Variants in TASOR2 observed in about 807,000 individuals in gnomAD.
The protein encoded by TASOR2 is transcription activation suppressor family member 2.
Under a neutral mutation model 199.5 loss-of-function variants are expected in TASOR2, and 84 were observed. The observed-to-expected ratio is 0.42, with a 90% CI of 0.35 to 0.50. TASOR2 has a LOEUF of 0.50. TASOR2 is among the 20% of genes least tolerant of loss of function. The pLI is 0.02. For missense variants in TASOR2, 2,796 were observed against 2,835.9 expected, an observed-to-expected ratio of 0.99 and a Z score of 0.32; for synonymous variants, 1,103 against 1,046.6, an observed-to-expected ratio of 1.05 and a Z score of -1.04.
At chr10:5,724,322 G>A in intron 7 of TASOR2, 108 bp from the exon 9 acceptor site, 1 of 466,998 alleles carries the variant, frequency 2.1e-6, no homozygotes, top group Middle Eastern at 5.7e-4. Context: ...AGGTTTCTGA[G>A]TAGTATTTCT....
chr10:5,711,492 A>AC (rs2131547789), intron 1 of TASOR2, among the ~76,000 whole-genome samples: 1 of 152,078 alleles, frequency 6.6e-6, no homozygotes, highest in East Asian at 1.9e-4. Context: ...GGTTTGTAAA[A>AC]CCCCCCAACC....
exon 16 of TASOR2, chr10:5,756,633 C>A (rs1435602861): frequency 8.7e-6 from 14 of 1,612,866 alleles, no homozygotes; most frequent in Non-Finnish European, 1.1e-5. Context: ...GGAAAGGAGG[C>A]CATACAGAAA....
Position 5,754,992 on chromosome 10 carries a change from GC to G in TASOR2, c.6607-1619del, listed in dbSNP as rs1838693239. Reference sequence around the variant, plus strand: ...ACCCGGGAGGCAGAGCTTGCAGTGAGCCGAGATCGCGCCACTGCACTCCAGC... The same window carrying G: ...ACCCGGGAGGCAGAGCTTGCAGTGAGCGAGATCGCGCCACTGCACTCCAGC... On this transcript the variant is annotated intron_variant, in intron 15 of 20. Transcript: ENST00000328090. This position sits in a 1 kb window ranked among gnomAD's most constrained non-coding sequence, Gnocchi z 4.3. Among the ~76,000 whole-genome samples, 3 of 140,472 alleles carry G rather than the reference GC, an allele frequency of 2.1e-5. No homozygotes were observed. The South Asian group carries it at 6.7e-4, about 31-fold the overall frequency. The allele number at this position is 140,472 out of a possible 152,430, so 92.2% of individuals were successfully genotyped here. A position where few individuals can be genotyped will look rare whatever the true frequency, so the allele number is the denominator to read the frequency against.
chr10:5,739,624 G>A (rs1209326039), exon 13 of TASOR2: 1 of 1,611,090 alleles, frequency 6.2e-7, no homozygotes, highest in Non-Finnish European at 8.5e-7. Flanking sequence ...GAAGTCAAAG[G>A]AGAAACTGCT....
intron 17 of TASOR2, 110 bp downstream of exon 18, chr10:5,757,783 T>TAGGGGGCAAC: frequency 1.7e-6 from 2 of 1,211,232 alleles, no homozygotes; most frequent in Non-Finnish European, 2.4e-6. Context: ...GGAATATCAG[T>TAGGGGGCAAC]TGCCCCCTAC....
intron 16 of TASOR2, 130 bp from the exon 18 acceptor site, chr10:5,757,390 C>T (rs573077877): frequency 1.8e-5 from 16 of 892,208 alleles, no homozygotes; most frequent in African/African-American, 1.4e-4. Context: ...AATGACCAGT[C>T]GGTAATCCAG....
Position 5,740,351 on chromosome 10 carries a change from GA to G in TASOR2, c.2187del (p.Lys729AsnfsTer7). On this transcript the variant is annotated frameshift_variant, in exon 13 of 21. Coordinates refer to ENST00000328090, the Ensembl canonical transcript of TASOR2. LOFTEE classifies it high-confidence loss of function. The surrounding 1 kb of genome is among the most constrained non-coding windows in gnomAD (Gnocchi z 5.3). Reference sequence around the variant, plus strand: ...AGGATCGACCACCGTCTGCCCGTGTGAAAAAATCTTCTTGCTCTCGTATAGT... The same window carrying G: ...AGGATCGACCACCGTCTGCCCGTGTGAAAAATCTTCTTGCTCTCGTATAGT... The G allele has an allele frequency of 6.2e-7, 1 of 1,614,182 alleles. No individual in the cohort carries two copies.
At chr10:5,760,170 A>G (rs758172688) in intron 18 of TASOR2, among the ~76,000 whole-genome samples, 4 of 152,240 alleles carry the variant, frequency 2.6e-5, no homozygotes, top group Non-Finnish European at 5.9e-5. Context: ...ATGTGACTGT[A>G]CTGAATACTG....
intron 7 of TASOR2, 87 bp downstream of exon 8, chr10:5,723,864 C>G (rs765095923): frequency 4.2e-6 from 3 of 720,982 alleles, no homozygotes; most frequent in Non-Finnish European, 6.5e-6. Flanking sequence ...CACATGCACA[C>G]TTCTGTTTCA....
Position 5,685,948 on chromosome 10 carries a change from T to C in TASOR2, c.-288+773T>C, listed in dbSNP as rs572583661. Among the ~76,000 whole-genome samples the C allele has an allele frequency of 6.6e-6, 1 of 152,338 alleles. No individual in the cohort carries two copies. The highest frequency in any genetic ancestry group is 1.5e-5 in the Non-Finnish European group (1 of 68,034). On this transcript the variant is annotated intron_variant, in intron 1 of 20. Transcript: ENST00000328090. The surrounding 1 kb of genome is among the most constrained non-coding windows in gnomAD (Gnocchi z 5.4). The stretch of plus-strand genomic sequence containing the variant: ...TGTGGCGTACAAGTGTATGGTATTA[T>C]TGGAATGGCATTCGCGATCCTAGAG...
intron 2 of TASOR2, 89 bp from the exon 3 acceptor site, chr10:5,714,045 TA>T: frequency 1.7e-6 from 1 of 600,016 alleles, no homozygotes. Context: ...TATTGTATAA[TA>T]AAAAATAAAA....
intron 10 of TASOR2, among the ~76,000 whole-genome samples, chr10:5,728,016 G>A (rs549984013): frequency 6.6e-6 from 1 of 151,952 alleles, no homozygotes; most frequent in South Asian, 2.1e-4. Context: ...GAGTTCAGGC[G>A]TTCTGAGACC....
chr10:5,709,425 A>C (rs528438961), intron 1 of TASOR2: 2 of 712,790 alleles, frequency 2.8e-6, no homozygotes, highest in South Asian at 7.6e-5. Flanking sequence ...TAAATATTAC[A>C]TAATTATTCC....
Position 5,750,878 on chromosome 10 carries a change from G to C in TASOR2, c.6606+851G>C, listed in dbSNP as rs1351127209. On this transcript the variant is annotated intron_variant, in intron 15 of 20. Coordinates refer to ENST00000328090, the Ensembl canonical transcript of TASOR2. This position sits in a 1 kb window ranked among gnomAD's most constrained non-coding sequence, Gnocchi z 5.4. Reference sequence around the variant, plus strand: ...TCTCCATTAACCTCATCTAGGTCTAGGATCATAGGTGTCTAGAATTGTCAT... The same window carrying C: ...TCTCCATTAACCTCATCTAGGTCTACGATCATAGGTGTCTAGAATTGTCAT... 6.6e-6 allele frequency among the ~76,000 whole-genome samples: 1 copy of C among 152,174 alleles called. No homozygotes were observed. Among genetic ancestry groups the C allele is most frequent in the Non-Finnish European group, 1.5e-5 (1 of 68,024 alleles).
chr10:5,736,018 A>G (rs890585342), intron 12 of TASOR2, among the ~76,000 whole-genome samples: 18 of 152,260 alleles, frequency 1.2e-4, no homozygotes, highest in African/African-American at 3.6e-4. Context: ...AATCACTGCA[A>G]CCTTGACCTC....
exon 17 of TASOR2, chr10:5,757,639 A>G: frequency 6.2e-7 from 1 of 1,613,914 alleles, no homozygotes; most frequent in East Asian, 2.2e-5. Flanking sequence ...GCTTTGTGAT[A>G]TCAGATGACA....
At chr10:5,684,967 A>G (rs1293020311) in exon 1 of TASOR2, 1 of 397,416 alleles carries the variant, frequency 2.5e-6, no homozygotes, top group Non-Finnish European at 4.4e-6. Flanking sequence ...CGTCCCTGTC[A>G]GCGCCCGCGG....
chr10:5,699,519 T>A lies in TASOR2; in HGVS notation c.-287-13304T>A, dbSNP rs924167930. On this transcript the variant is annotated intron_variant, in intron 1 of 20. Transcript: ENST00000328090. The surrounding 1 kb of genome is among the most constrained non-coding windows in gnomAD (Gnocchi z 4.1). ...CCGTATGAATTATATCTCAACATTG[T>A]ATTAGAAAATAAAATTAATGAAGCA... is the stretch of plus-strand genomic sequence containing the variant. The A allele has an allele frequency of 6.6e-6, 1 of 152,138 alleles. No individual in the cohort carries two copies. The highest frequency in any genetic ancestry group is 1.5e-5 in the Non-Finnish European group (1 of 68,006). 9.4% of individuals were successfully genotyped at this position (152,138 alleles called of 1,614,324 possible).
At chr10:5,711,043 A>G (rs1001642222) in intron 1 of TASOR2, among the ~76,000 whole-genome samples, 2 of 152,118 alleles carry the variant, frequency 1.3e-5, no homozygotes, top group African/African-American at 4.8e-5. Flanking sequence ...GCACTGGTAT[A>G]TTGAAGGAGA....
Sources: allele counts gnomAD v4.1 joint callset (sites outside exome capture counted in the v4.1 genomes callset), GRCh38; gene constraint gnomAD v4.1.1; non-coding constraint Gnocchi (gnomAD v3.1); transcripts MANE v1.5; gene names NCBI Gene and HGNC (gene_info 2026-07-23, HGNC 2026-07-21).